Variants in CFAP97D2 observed in about 807,000 individuals in gnomAD.
CFAP97D2 encodes uncharacterized protein CFAP97D2.
chr13:114,189,013 T>C lies in CFAP97D2; in HGVS notation c.91-7383T>C, dbSNP rs1308600515. Reference sequence around the variant, plus strand: ...AGGAGGAGGCAAATTACTAATATTTTGCTATTATTAGTAATATTATTACTT... The same window carrying C: ...AGGAGGAGGCAAATTACTAATATTTCGCTATTATTAGTAATATTATTACTT... On this transcript the variant is annotated intron_variant, in intron 1 of 4. Transcript: ENST00000646158. This position sits in a 1 kb window ranked among gnomAD's most constrained non-coding sequence, Gnocchi z 4.5. Among the ~76,000 whole-genome samples, 1 of 149,372 alleles carries C rather than the reference T, an allele frequency of 6.7e-6. No individual in the cohort carries two copies. The highest frequency in any genetic ancestry group is 2.4e-5 in the African/African-American group (1 of 41,000).
At chr13:114,205,330 C>G (rs1482492001) in intron 3 of CFAP97D2, among the ~76,000 whole-genome samples, 1 of 152,102 alleles carries the variant, frequency 6.6e-6, no homozygotes, top group Non-Finnish European at 1.5e-5. Flanking sequence ...CAATTTCACT[C>G]CCAAGTATAT....
At chr13:114,212,656 T>C (rs918898829) in intron 4 of CFAP97D2, among the ~76,000 whole-genome samples, 2 of 152,126 alleles carry the variant, frequency 1.3e-5, no homozygotes, top group East Asian at 3.9e-4. Flanking sequence ...GAGACCATCC[T>C]GGCTAACACA....
Position 114,179,965 on chromosome 13 carries a change from C to G in CFAP97D2, c.90+545C>G, listed in dbSNP as rs1200497050. Among the ~76,000 whole-genome samples the G allele has an allele frequency of 2.0e-5, 3 of 152,182 alleles. No homozygotes were observed. The highest frequency in any genetic ancestry group is 7.2e-5 in the African/African-American group (3 of 41,458). On this transcript the variant is annotated intron_variant, in intron 1 of 4. Transcript: ENST00000646158. The surrounding 1 kb of genome is among the most constrained non-coding windows in gnomAD (Gnocchi z 4.8). ...CGTGCCCGGCCCGGCATCCTTTTCT[C>G]TATCAAAACAGTGGACTCCAAGGGG...
At chr13:114,188,700 C>G (rs900169927) in intron 1 of CFAP97D2, among the ~76,000 whole-genome samples, 3 of 150,742 alleles carry the variant, frequency 2.0e-5, no homozygotes, top group African/African-American at 7.3e-5. Context: ...TGGCATGAAC[C>G]CCGGAGGAGG....
chr13:114,192,546 G>C (rs1459013970), intron 1 of CFAP97D2, among the ~76,000 whole-genome samples: 1 of 152,112 alleles, frequency 6.6e-6, no homozygotes, highest in Non-Finnish European at 1.5e-5. Context: ...CCAAACATTT[G>C]ATGATCAGAA....
At chr13:114,217,329 G>A (rs1594523370) in intron 4 of CFAP97D2, among the ~76,000 whole-genome samples, 1 of 152,264 alleles carries the variant, frequency 6.6e-6, no homozygotes, top group South Asian at 2.1e-4. Flanking sequence ...ACTAAACCAG[G>A]AAGAAGTTGA....
intron 3 of CFAP97D2, among the ~76,000 whole-genome samples, chr13:114,209,893 G>A (rs1038414255): frequency 2.0e-5 from 3 of 152,142 alleles, no homozygotes; most frequent in Admixed American, 2.0e-4. Context: ...TTGAATGACT[G>A]AACAATCAAA....
At chr13:114,202,094 G>A (rs1025317272) in intron 3 of CFAP97D2, among the ~76,000 whole-genome samples, 1 of 152,196 alleles carries the variant, frequency 6.6e-6, no homozygotes, top group African/African-American at 2.4e-5. Flanking sequence ...GATTTTATGT[G>A]TATAGGTTCA....
At chr13:114,214,221 CGTA>C (rs1566616741) in intron 4 of CFAP97D2, 1 of 152,094 alleles carries the variant, frequency 6.6e-6, no homozygotes, top group East Asian at 1.9e-4. Context: ...GGTACAACAT[CGTA>C]AGCCCAGCTC....
intron 3 of CFAP97D2, among the ~76,000 whole-genome samples, chr13:114,202,394 A>T (rs561097616): frequency 6.6e-6 from 1 of 152,332 alleles, no homozygotes; most frequent in South Asian, 2.1e-4. Flanking sequence ...CCCACTCCCC[A>T]GCAAAACTTT....
At chr13:114,213,913 C>A (rs1181318200) in intron 4 of CFAP97D2, among the ~76,000 whole-genome samples, 1 of 147,724 alleles carries the variant, frequency 6.8e-6, no homozygotes, top group African/African-American at 2.5e-5. Context: ...CAAACCCCAC[C>A]CCTGGACAAG....
Position 114,211,316 on chromosome 13 carries a change from G to C in CFAP97D2, c.291-596G>C, listed in dbSNP as rs955075481. ...TCGATGCCCCTCCCTCCCACTTCAT[G>C]CTCCCCAGTCCAGCCCCAGCCTGTC... On this transcript the variant is annotated intron_variant, in intron 3 of 4. Coordinates refer to ENST00000646158, the Ensembl canonical transcript of CFAP97D2. The surrounding 1 kb of genome is among the most constrained non-coding windows in gnomAD (Gnocchi z 4.2). Among the ~76,000 whole-genome samples, 2 of 152,060 alleles carry C rather than the reference G, an allele frequency of 1.3e-5. No homozygotes were observed. Among genetic ancestry groups the C allele is most frequent in the African/African-American group, 4.8e-5 (2 of 41,388 alleles).
Position 114,186,469 on chromosome 13 carries a change from G to A in CFAP97D2, c.90+7049G>A, listed in dbSNP as rs2080853635. ...GACAAGAACTTGGGACCCATCAAGTGGTGGGGCTAAAAGAGCTGCAACACA... is the reference window on the plus strand; with the variant it reads ...GACAAGAACTTGGGACCCATCAAGTAGTGGGGCTAAAAGAGCTGCAACACA... On this transcript the variant is annotated intron_variant, in intron 1 of 4. Transcript: ENST00000646158. This position sits in a 1 kb window ranked among gnomAD's most constrained non-coding sequence, Gnocchi z 4.3. Among the ~76,000 whole-genome samples, 1 of 152,236 alleles carries A rather than the reference G, an allele frequency of 6.6e-6. No individual in the cohort carries two copies. The highest frequency in any genetic ancestry group is 1.5e-5 in the Non-Finnish European group (1 of 68,040).
intron 4 of CFAP97D2, among the ~76,000 whole-genome samples, chr13:114,221,171 A>G (rs1417875684): frequency 6.6e-6 from 1 of 152,186 alleles, no homozygotes; most frequent in Non-Finnish European, 1.5e-5. Flanking sequence ...CGCTTGAACC[A>G]GGGAGGCGGA....
chr13:114,198,796 A>G (rs1262227929), intron 2 of CFAP97D2, among the ~76,000 whole-genome samples: 15 of 57,026 alleles, frequency 2.6e-4, no homozygotes, highest in African/African-American at 7.1e-4. Flanking sequence ...GAGGCGTGAC[A>G]GTGGGTCCCC....
rs544669309 is a variant in CFAP97D2, at chr13:114,182,231, G to A, written c.90+2811G>A. 1.9e-3 allele frequency among the ~76,000 whole-genome samples: 284 copies of A among 150,946 alleles called. 6 individuals carry two copies. The highest frequency in any genetic ancestry group is 8.5e-3 in the Admixed American group (129 of 15,198). The stretch of plus-strand genomic sequence containing the variant: ...AAGGGAAGGTACTATGCCTGGATGT[G>A]CACGTAGGCCAGATTTATGTTTCTC... On this transcript the variant is annotated intron_variant, in intron 1 of 4. Coordinates refer to ENST00000646158, the Ensembl canonical transcript of CFAP97D2.
intron 4 of CFAP97D2, among the ~76,000 whole-genome samples, chr13:114,216,065 A>G (rs1173734661): frequency 1.3e-5 from 2 of 152,202 alleles, no homozygotes; most frequent in African/African-American, 4.8e-5. Context: ...TAAGTACACA[A>G]GTCACAATCT....
At chr13:114,220,094 G>A (rs1313413131) in intron 4 of CFAP97D2, among the ~76,000 whole-genome samples, 1 of 152,126 alleles carries the variant, frequency 6.6e-6, no homozygotes, top group Non-Finnish European at 1.5e-5. Flanking sequence ...GAAAACTGTA[G>A]GTTTAGGAAA....
At chr13:114,183,041 T>C (rs2080842456) in intron 1 of CFAP97D2, among the ~76,000 whole-genome samples, 1 of 152,192 alleles carries the variant, frequency 6.6e-6, no homozygotes, top group Non-Finnish European at 1.5e-5. Context: ...TGGACTTCTC[T>C]TGGATGGGCT....
Sources: allele counts gnomAD v4.1 joint callset (sites outside exome capture counted in the v4.1 genomes callset), GRCh38; gene constraint gnomAD v4.1.1; non-coding constraint Gnocchi (gnomAD v3.1); transcripts MANE v1.5; gene names NCBI Gene and HGNC (gene_info 2026-07-23, HGNC 2026-07-21).